The following ANKS1B variants were observed in gnomAD, a reference collection of about 807,000 sequenced individuals.
The protein encoded by ANKS1B is ankyrin repeat and sterile alpha motif domain-containing protein 1B.
Under a neutral mutation model 148.3 loss-of-function variants are expected in ANKS1B, and 36 were observed. The ratio of observed to expected loss-of-function variants is 0.24; its 90% CI spans 0.19 to 0.32. The LOEUF (loss-of-function observed/expected upper bound fraction) is 0.32, where lower values mean the gene tolerates loss of function less well. ANKS1B is among the 10% of genes least tolerant of loss of function. The probability of loss-of-function intolerance (pLI) is 1.00; values close to 1 mark genes in which losing one functional copy is unlikely to be tolerated. For synonymous variants in ANKS1B, 542 were observed against 560.8 expected, an observed-to-expected ratio of 0.97 and a Z score of 0.47; for missense variants, 1,157 against 1,542.6, an observed-to-expected ratio of 0.75 and a Z score of 4.19.
intron 1 of ANKS1B, among the ~76,000 whole-genome samples, chr12:99,871,816 G>T (rs1157450497): frequency 2.6e-5 from 4 of 152,136 alleles, no homozygotes; most frequent in African/African-American, 9.6e-5. Context: ...CCTTGGTGCA[G>T]TCTTACAATG....
chr12:99,743,231 G>C (rs2060285958), intron 8 of ANKS1B, among the ~76,000 whole-genome samples: 1 of 152,060 alleles, frequency 6.6e-6, no homozygotes, highest in Non-Finnish European at 1.5e-5. Flanking sequence ...AAAGACTTTT[G>C]TCTCAAGCAC....
At chr12:99,576,313 A>T (rs1445918569) in intron 9 of ANKS1B, among the ~76,000 whole-genome samples, 1 of 151,996 alleles carries the variant, frequency 6.6e-6, no homozygotes, top group African/African-American at 2.4e-5. Flanking sequence ...AGACTTCAAC[A>T]CCCCACTAGA....
At chr12:99,484,767 T>G (rs1042804646) in intron 10 of ANKS1B, among the ~76,000 whole-genome samples, 9 of 148,356 alleles carry the variant, frequency 6.1e-5, no homozygotes, top group African/African-American at 1.7e-4. Context: ...TGTGTGTGTT[T>G]TTTTTTTTTT....
At chr12:98,888,647 T>C (rs1403900333) in intron 17 of ANKS1B, among the ~76,000 whole-genome samples, 1 of 152,192 alleles carries the variant, frequency 6.6e-6, no homozygotes, top group Non-Finnish European at 1.5e-5. Context: ...AGATATTCCA[T>C]GAGCTGTTCC....
chr12:98,802,706 G>C (rs946718105), intron 20 of ANKS1B, among the ~76,000 whole-genome samples: 1 of 132,880 alleles, frequency 7.5e-6, no homozygotes, highest in Non-Finnish European at 1.5e-5. Context: ...TTAGCATCAC[G>C]CTATTTCCTT....
chr12:99,708,757 T>C (rs1336956012), intron 8 of ANKS1B, among the ~76,000 whole-genome samples: 1 of 152,182 alleles, frequency 6.6e-6, no homozygotes, highest in Non-Finnish European at 1.5e-5. Flanking sequence ...ATTATTTCCA[T>C]ATCTCAAAAT....
At chr12:99,096,112 A>G (rs1413526826) in intron 15 of ANKS1B, among the ~76,000 whole-genome samples, 1 of 152,190 alleles carries the variant, frequency 6.6e-6, no homozygotes, top group African/African-American at 2.4e-5. Flanking sequence ...TTGAAATCCA[A>G]ACACATTATA....
chr12:99,129,066 T>C (rs576010249), intron 15 of ANKS1B, among the ~76,000 whole-genome samples: 9 of 152,098 alleles, frequency 5.9e-5, no homozygotes, highest in East Asian at 3.9e-4. Flanking sequence ...AAGGAACAAA[T>C]TGAGTTGCAG....
intron 10 of ANKS1B, among the ~76,000 whole-genome samples, chr12:99,469,026 A>T (rs2096188685): frequency 6.6e-6 from 1 of 152,014 alleles, no homozygotes. Flanking sequence ...AATAGCAAAG[A>T]CTTGGAACCA....
chr12:99,002,090 G>A (rs1182654896), intron 17 of ANKS1B, among the ~76,000 whole-genome samples: 1 of 152,004 alleles, frequency 6.6e-6, no homozygotes, highest in Non-Finnish European at 1.5e-5. Flanking sequence ...TGACTATTAC[G>A]AATAATGCTG....
intron 10 of ANKS1B, among the ~76,000 whole-genome samples, chr12:99,459,542 G>T (rs1567141270): frequency 6.6e-6 from 1 of 151,906 alleles, no homozygotes; most frequent in Non-Finnish European, 1.5e-5. Context: ...CCTAGAACTG[G>T]TAAATGAATT....
intron 1 of ANKS1B, among the ~76,000 whole-genome samples, chr12:99,867,919 C>T (rs1427107597): frequency 2.0e-5 from 3 of 152,058 alleles, no homozygotes; most frequent in African/African-American, 7.2e-5. Flanking sequence ...AACACCTGAA[C>T]AAAATTTCAG....
intron 1 of ANKS1B, among the ~76,000 whole-genome samples, chr12:99,965,582 G>A (rs1012888630): frequency 6.6e-6 from 1 of 152,102 alleles, no homozygotes; most frequent in African/African-American, 2.4e-5. Context: ...CACCTGACAG[G>A]ATACAATGAA....
At chr12:99,397,970 G>A (rs1405597949) in intron 12 of ANKS1B, among the ~76,000 whole-genome samples, 1 of 152,006 alleles carries the variant, frequency 6.6e-6, no homozygotes, top group African/African-American at 2.4e-5. Flanking sequence ...AAAAGCCCCA[G>A]GGCTAGAATG....
chr12:99,883,157 C>T lies in ANKS1B; in HGVS notation c.135-57768G>A, dbSNP rs560116257. Among the ~76,000 whole-genome samples, 3 of 152,174 alleles carry T rather than the reference C, an allele frequency of 2.0e-5. No homozygotes were observed. In the East Asian group the frequency reaches 5.8e-4, roughly 29 times the overall value. ...CCTGAGTCATTTAGAGTATGTTTAA[C>T]AGTTAAGAGCAAAAAACAGAGCATT... On this transcript the variant is annotated intron_variant, in intron 1 of 26. Transcript: ENST00000683438.
At chr12:99,178,195 C>T (rs907830919) in intron 14 of ANKS1B, among the ~76,000 whole-genome samples, 2 of 152,190 alleles carry the variant, frequency 1.3e-5, no homozygotes, top group Non-Finnish European at 1.5e-5. Context: ...CCAATTTCTC[C>T]AACAGCTTGG....
chr12:99,126,002 T>C (rs2064232939), intron 15 of ANKS1B, among the ~76,000 whole-genome samples: 1 of 152,096 alleles, frequency 6.6e-6, no homozygotes, highest in Non-Finnish European at 1.5e-5. Flanking sequence ...TGATACTACC[T>C]AAGAGACTTA....
At chr12:99,956,397 C>CA (rs2095325022) in intron 1 of ANKS1B, among the ~76,000 whole-genome samples, 1 of 151,942 alleles carries the variant, frequency 6.6e-6, no homozygotes, top group African/African-American at 2.4e-5. Flanking sequence ...CAAAGTGGTA[C>CA]ATCATGTAAA....
At chr12:98,764,626 G>A (rs2098456707) in intron 25 of ANKS1B, among the ~76,000 whole-genome samples, 1 of 152,200 alleles carries the variant, frequency 6.6e-6, no homozygotes, top group African/African-American at 2.4e-5. Context: ...AAATGGATAT[G>A]CCTGTTTCCT....
Sources: gnomAD v4.1 joint callset for allele counts (sites outside exome capture counted in the v4.1 genomes callset) on GRCh38, gnomAD v4.1.1 for gene constraint, MANE v1.5 for transcripts, NCBI Gene and HGNC (gene_info 2026-07-23, HGNC 2026-07-21) for gene names.